The following RBFOX3 variants were observed in gnomAD, a reference collection of about 807,000 sequenced individuals.
RBFOX3 encodes the protein RNA binding fox-1 homolog 3, also known as RNA binding protein fox-1 homolog 3.
In RBFOX3, 17 loss-of-function variants were observed where a neutral mutation model predicts 48.7. That is an observed-to-expected ratio of 0.35 (90% confidence interval 0.24 to 0.52). RBFOX3 has a LOEUF of 0.52. Ranked by LOEUF, RBFOX3 falls within the 20% of genes least tolerant of loss-of-function variation. RBFOX3 has a pLI of 0.94. For missense variants in RBFOX3, 382 were observed against 497.5 expected, an observed-to-expected ratio of 0.77 and a Z score of 2.21; for synonymous variants, 212 against 209.5, an observed-to-expected ratio of 1.01 and a Z score of -0.10.
At position 79,458,527 on chromosome 17, in the gene RBFOX3, G is replaced by A. The variant is rs373963445; in HGVS notation, c.-175+23927C>T. ...TGTTATCACATGTGCAGCATCGTGC[G>A]ACCATCACCGCAGTTGAGATACGGA... On this transcript the variant is annotated intron_variant, in intron 2 of 14. Transcript: ENST00000693108. 2.0e-4 allele frequency among the ~76,000 whole-genome samples: 30 copies of A among 152,106 alleles called. No individual in the cohort carries two copies. The East Asian group carries it at 2.1e-3, about 11-fold the overall frequency.
At chr17:79,208,593 A>G (rs564021802) in intron 4 of RBFOX3, 39 of 152,684 alleles carry the variant, frequency 2.6e-4, no homozygotes, top group Non-Finnish European at 3.2e-4. Context: ...AGTGGCATTG[A>G]GCAACCTTGA....
Position 79,097,668 on chromosome 17 carries a change from TCCCCG to T in RBFOX3, c.622+19_622+23del. ...GGGCCAAGTAGCTGGTCTCATCCCA[TCCCCG>T]CCCCGCCCCAGCTTTTACCTGCATA... On this transcript the variant is annotated intron_variant, in intron 10 of 14. Transcript: ENST00000693108. The T allele has an allele frequency of 9.9e-7, 1 of 1,010,742 alleles. No individual in the cohort carries two copies. The highest frequency in any genetic ancestry group is 1.4e-6 in the Non-Finnish European group (1 of 705,394). 62.6% of individuals were successfully genotyped at this position (1,010,742 alleles called of 1,614,324 possible).
intron 2 of RBFOX3, among the ~76,000 whole-genome samples, chr17:79,351,002 G>A (rs2083831271): frequency 6.6e-6 from 1 of 152,096 alleles, no homozygotes; most frequent in Non-Finnish European, 1.5e-5. Flanking sequence ...CCTTATGCAC[G>A]ATGAATGGTT....
At chr17:79,337,941 A>ATTTT (rs1159109203) in intron 2 of RBFOX3, among the ~76,000 whole-genome samples, 1 of 139,896 alleles carries the variant, frequency 7.1e-6, no homozygotes. Context: ...ACTTCTCCAG[A>ATTTT]TTTTTTTTTT....
At position 79,243,832 on chromosome 17, in the gene RBFOX3, C is replaced by T. The variant is rs986145732; in HGVS notation, c.-73-8027G>A. Among the ~76,000 whole-genome samples the T allele has an allele frequency of 6.6e-5, 10 of 152,000 alleles. No homozygotes were observed. The highest frequency in any genetic ancestry group is 4.2e-4 in the South Asian group (2 of 4,810). ...AAAGGGCAGAGCCAAGACAAGAAGG[C>T]GCAATGCCACCAAGCAGATGGCAGT... On this transcript the variant is annotated intron_variant, in intron 3 of 14. Transcript: ENST00000693108. The surrounding 1 kb of genome is among the most constrained non-coding windows in gnomAD (Gnocchi z 7.9).
chr17:79,480,941 AC>A lies in RBFOX3; in HGVS notation c.-175+1512del, dbSNP rs1456495038. Reference sequence around the variant, plus strand: ...CTCCACTGCGTCTCCAGCACCCCAAACAGGGCTCAGCACATCGGGGGCTCAA... The same window carrying A: ...CTCCACTGCGTCTCCAGCACCCCAAAAGGGCTCAGCACATCGGGGGCTCAA... On this transcript the variant is annotated intron_variant, in intron 2 of 14. Coordinates refer to ENST00000693108, the MANE Select transcript of RBFOX3 (RefSeq NM_001350451.2). The surrounding 1 kb of genome is among the most constrained non-coding windows in gnomAD (Gnocchi z 4.8). 1.3e-5 allele frequency among the ~76,000 whole-genome samples: 2 copies of A among 152,244 alleles called. No individual in the cohort carries two copies. The highest frequency in any genetic ancestry group is 2.4e-5 in the African/African-American group (1 of 41,560).
At chr17:79,346,756 C>T (rs2082991670) in intron 2 of RBFOX3, among the ~76,000 whole-genome samples, 1 of 152,200 alleles carries the variant, frequency 6.6e-6, no homozygotes, top group Non-Finnish European at 1.5e-5. Context: ...TAAAGTTGTA[C>T]ATTTTGCCTG....
At chr17:79,620,150 T>G in the RBFOX3 span, among the ~76,000 whole-genome samples, 1 of 71,940 alleles carries the variant, frequency 1.4e-5, no homozygotes, top group East Asian at 5.7e-4. Flanking sequence ...CGCACACACA[T>G]GCACGCGCGG....
At chr17:79,626,880 C>G in the RBFOX3 span, among the ~76,000 whole-genome samples, 3 of 152,362 alleles carry the variant, frequency 2.0e-5, no homozygotes, top group Admixed American at 1.3e-4. Context: ...AGAAAATTAA[C>G]TTCTGATCTG....
chr17:79,208,202 G>A (rs1392178325), intron 4 of RBFOX3, among the ~76,000 whole-genome samples: 1 of 152,198 alleles, frequency 6.6e-6, no homozygotes, highest in Admixed American at 6.5e-5. Context: ...GTCTCCAGCT[G>A]TCAGCCCCGA....
At chr17:79,662,274 C>G in the RBFOX3 span, among the ~76,000 whole-genome samples, 3 of 151,628 alleles carry the variant, frequency 2.0e-5, no homozygotes, top group Admixed American at 6.6e-5. Flanking sequence ...AGGCGCCCAC[C>G]ACCACACCTG....
chr17:79,515,729 A>G (rs946232322), intron 1 of RBFOX3, among the ~76,000 whole-genome samples: 140 of 151,906 alleles, frequency 9.2e-4, no homozygotes, highest in African/African-American at 3.1e-3. Context: ...TGCTGTGGCA[A>G]CCACACACCA....
At chr17:79,538,921 A>G (rs1335172634) in intron 1 of RBFOX3, among the ~76,000 whole-genome samples, 1 of 152,238 alleles carries the variant, frequency 6.6e-6, no homozygotes, top group Non-Finnish European at 1.5e-5. Flanking sequence ...AAACACGGAC[A>G]AAGCATGAGA....
At chr17:79,285,358 A>G (rs2071617645) in intron 3 of RBFOX3, among the ~76,000 whole-genome samples, 1 of 152,240 alleles carries the variant, frequency 6.6e-6, no homozygotes, top group Non-Finnish European at 1.5e-5. Flanking sequence ...CCTGTTGATG[A>G]AAAGTTCCAT....
chr17:79,645,531 T>C, the RBFOX3 span, among the ~76,000 whole-genome samples: 2 of 152,144 alleles, frequency 1.3e-5, no homozygotes, highest in African/African-American at 4.8e-5. Flanking sequence ...TAAGACCTCA[T>C]ACCTTCCAGC....
the RBFOX3 span, among the ~76,000 whole-genome samples, chr17:79,638,122 C>T: frequency 2.0e-5 from 3 of 151,778 alleles, no homozygotes; most frequent in African/African-American, 4.8e-5. Context: ...AAAATAAATG[C>T]CTACATTTTT....
intron 1 of RBFOX3, among the ~76,000 whole-genome samples, chr17:79,590,012 C>T (rs1161424027): frequency 6.6e-6 from 1 of 152,152 alleles, no homozygotes; most frequent in Non-Finnish European, 1.5e-5. Flanking sequence ...GTGCCCTCCA[C>T]CCCCCATGTA....
intron 1 of RBFOX3, among the ~76,000 whole-genome samples, chr17:79,517,872 C>T (rs1013584236): frequency 1.3e-5 from 2 of 152,202 alleles, no homozygotes; most frequent in Admixed American, 1.3e-4. Flanking sequence ...TGACTCAACA[C>T]CAAAGCTCCC....
chr17:79,463,214 TCCACTG>T (rs1388348919), intron 2 of RBFOX3, among the ~76,000 whole-genome samples: 161 of 84,020 alleles, frequency 1.9e-3, no homozygotes, highest in Middle Eastern at 0.01. Context: ...CACTGCCACC[TCCACTG>T]CCATCGCCAC....
Sources: allele counts gnomAD v4.1 joint callset (sites outside exome capture counted in the v4.1 genomes callset), GRCh38; gene constraint gnomAD v4.1.1; non-coding constraint Gnocchi (gnomAD v3.1); transcripts MANE v1.5; gene names NCBI Gene and HGNC (gene_info 2026-07-23, HGNC 2026-07-21).